The following TMC2 variants were observed in gnomAD, a reference collection of about 807,000 sequenced individuals.
TMC2 encodes the protein transmembrane channel-like protein 2.
A neutral mutation model predicts 105.9 loss-of-function variants in TMC2; 102 were observed. The observed-to-expected ratio is 0.96, with a 90% CI of 0.82 to 1.14. TMC2 has a LOEUF of 1.14. Ranked by LOEUF, TMC2 falls within the 50% of genes most tolerant of loss-of-function variation. The pLI, the probability that TMC2 is intolerant of heterozygous loss-of-function variation, is 0.00. For missense variants in TMC2, 1,093 were observed against 1,134.3 expected (o/e 0.96, Z 0.52); for synonymous variants, 402 against 422.8 (o/e 0.95, Z 0.60).
At chr20:2,585,697 G>A (rs1401640917) in intron 7 of TMC2, among the ~76,000 whole-genome samples, 1 of 152,154 alleles carries the variant, frequency 6.6e-6, no homozygotes, top group African/African-American at 2.4e-5. Flanking sequence ...TTACTTATGT[G>A]GCTGTTCCCA....
chr20:2,643,580 A>T lies in TMC2; in HGVS notation c.*2229A>T, dbSNP rs2086702476. ...ACAATAAACAATTATGTATTATTGTATGTAGTTTCTGTTCTGTGGGTTATA... is the reference window on the plus strand; with the variant it reads ...ACAATAAACAATTATGTATTATTGTTTGTAGTTTCTGTTCTGTGGGTTATA... On this transcript the variant is annotated 3_prime_UTR_variant, in exon 20 of 20. Coordinates refer to ENST00000358864, the MANE Select transcript of TMC2 (RefSeq NM_080751.3). 6.6e-6 allele frequency among the ~76,000 whole-genome samples: 1 copy of T among 152,214 alleles called. No individual in the cohort carries two copies. Among genetic ancestry groups the T allele is most frequent in the African/African-American group, 2.4e-5 (1 of 41,424 alleles).
intron 12 of TMC2, among the ~76,000 whole-genome samples, chr20:2,611,719 T>C (rs2086439583): frequency 6.6e-6 from 1 of 152,206 alleles, no homozygotes; most frequent in Admixed American, 6.5e-5. Context: ...GTCACTCTTG[T>C]ATCACCACTA....
intron 17 of TMC2, among the ~76,000 whole-genome samples, chr20:2,625,595 TCTA>T (rs1367878002): frequency 2.0e-5 from 3 of 152,246 alleles, no homozygotes; most frequent in African/African-American, 7.2e-5. Context: ...GTTTGAAGGC[TCTA>T]CTATGTTCCA....
In TMC2 at chr20:2,641,912, C is replaced by T. The variant is rs561577663; in HGVS notation, c.*561C>T. ...TTCAAGACCAGCCCGGGCAATGTGG[C>T]GAAACCCCATCCCTACAAAAAAATT... On this transcript the variant is annotated 3_prime_UTR_variant, in exon 20 of 20. Coordinates refer to ENST00000358864, the MANE Select transcript of TMC2 (RefSeq NM_080751.3). 1.1e-3 allele frequency: 173 copies of T among 153,140 alleles called. No individual in the cohort carries two copies. The highest frequency in any genetic ancestry group is 3.7e-3 in the African/African-American group (154 of 41,462). 9.5% of individuals were successfully genotyped at this position (153,140 alleles called of 1,614,324 possible). A position where few individuals can be genotyped will look rare whatever the true frequency, so the allele number is the denominator to read the frequency against.
rs2086503624 is a variant in TMC2 at position 2,618,797 on chromosome 20, C to T, written c.2180+1486C>T. Among the ~76,000 whole-genome samples, 2 of 152,222 alleles carry T rather than the reference C, an allele frequency of 1.3e-5. 1 individual carries two copies. The highest frequency in any genetic ancestry group is 1.3e-4 in the Admixed American group (2 of 15,278). On this transcript the variant is annotated intron_variant, in intron 16 of 19. Coordinates refer to ENST00000358864, the MANE Select transcript of TMC2 (RefSeq NM_080751.3). ...TAGGACGTACTGCCCCTTCTGTCTGCCATTATCTCACTTAGAAATGCTCAA... is the reference window on the plus strand; with the variant it reads ...TAGGACGTACTGCCCCTTCTGTCTGTCATTATCTCACTTAGAAATGCTCAA...
At chr20:2,562,168 C>G (rs892912329) in intron 4 of TMC2, among the ~76,000 whole-genome samples, 158 bp downstream of exon 4, 1 of 152,268 alleles carries the variant, frequency 6.6e-6, no homozygotes, top group Non-Finnish European at 1.5e-5. Flanking sequence ...CCAAGGCGGC[C>G]GTGCTGTTCG....
chr20:2,633,773 G>GAGGGA (rs2086622034), intron 17 of TMC2, among the ~76,000 whole-genome samples: 1 of 152,174 alleles, frequency 6.6e-6, no homozygotes, highest in Non-Finnish European at 1.5e-5. Flanking sequence ...TAGGGGAGGG[G>GAGGGA]ATATAAGGCA....
At chr20:2,555,913 A>C (rs1332104852) in intron 2 of TMC2, among the ~76,000 whole-genome samples, 1 of 152,196 alleles carries the variant, frequency 6.6e-6, no homozygotes, top group African/African-American at 2.4e-5. Context: ...TAGCGCAGGT[A>C]CTTTATAAAA....
intron 16 of TMC2, among the ~76,000 whole-genome samples, chr20:2,622,217 GT>G (rs2086530322): frequency 6.6e-6 from 1 of 152,186 alleles, no homozygotes; most frequent in Non-Finnish European, 1.5e-5. Context: ...CAAAAAATGA[GT>G]GAGCATGGCT....
At chr20:2,634,683 C>A (rs1421343754) in intron 17 of TMC2, among the ~76,000 whole-genome samples, 1 of 152,178 alleles carries the variant, frequency 6.6e-6, no homozygotes, top group Admixed American at 6.5e-5. Context: ...TGATCTTGAG[C>A]CAGACAAGTT....
At position 2,559,240 on chromosome 20, in the gene TMC2, C is replaced by T. The variant is rs76625937; in HGVS notation, c.401+466C>T. Among the ~76,000 whole-genome samples the T allele has an allele frequency of 5.3e-4, 81 of 152,306 alleles. No homozygotes were observed. The East Asian group carries it at 0.014, about 27-fold the overall frequency. ...CCTCGTTCCGGCTTCCGGATCTGGG[C>T]CAGTTTCCTCTGCTGGAAATGTGGC... On this transcript the variant is annotated intron_variant, in intron 3 of 19. Transcript: ENST00000358864.
At chr20:2,570,328 A>G (rs1185300019) in intron 4 of TMC2, among the ~76,000 whole-genome samples, 1 of 152,204 alleles carries the variant, frequency 6.6e-6, no homozygotes, top group Non-Finnish European at 1.5e-5. Context: ...ACAAATGTAC[A>G]AAAATCAAGA....
At chr20:2,640,032 G>T (rs2086677484) in intron 19 of TMC2, among the ~76,000 whole-genome samples, 1 of 152,178 alleles carries the variant, frequency 6.6e-6, no homozygotes, top group Non-Finnish European at 1.5e-5. Context: ...GCCCAGGCTG[G>T]AGTGCAGTGG....
rs1012256803 is a variant in TMC2 at position 2,594,688 on chromosome 20, G to T, written c.934-137G>T. ...CTGGAGGAGGTGAAGGGAAGAACAA[G>T]AACATCTGGAACTCTTCCTTCGGCC... On this transcript the variant is annotated intron_variant, in intron 8 of 19. Transcript: ENST00000358864. The T allele has an allele frequency of 4.6e-6, 4 of 861,112 alleles. No homozygotes were observed. The African/African-American group carries it at 6.8e-5, about 15-fold the overall frequency. 53.3% of individuals were successfully genotyped at this position (861,112 alleles called of 1,614,324 possible). A position where few individuals can be genotyped will look rare whatever the true frequency, so the allele number is the denominator to read the frequency against.
chr20:2,637,523 C>A lies in TMC2; in HGVS notation c.2435C>A (p.Ala812Asp). The A allele has an allele frequency of 6.2e-7, 1 of 1,614,088 alleles. No homozygotes were observed. The highest frequency in any genetic ancestry group is 1.3e-5 in the African/African-American group (1 of 75,012). Residue 812 changes from alanine (A) to aspartate (D), a missense_variant, in exon 19 of 20, where the codon GCC becomes GAC. Ala to Asp is a moderately radical substitution (Grantham distance 126). Coordinates refer to ENST00000358864, the MANE Select transcript of TMC2 (RefSeq NM_080751.3). Reference sequence around the variant, plus strand: ...AAATCTGTAAAAGGCAAAGCCACAGCCAGAGATTCAGAGGACACACCTAAA... The same window carrying A: ...AAATCTGTAAAAGGCAAAGCCACAGACAGAGATTCAGAGGACACACCTAAA... ...SHKSVKGKAT[A>D]RDSEDTPKSS...
At chr20:2,572,156 C>CTTTT (rs371954216) in intron 4 of TMC2, 23 bp from the exon 5 acceptor site, 209 of 1,273,570 alleles carry the variant, frequency 1.6e-4, no homozygotes, top group African/African-American at 3.3e-4. Context: ...TGAAATCCTG[C>CTTTT]TTTTTTTTTT....
At chr20:2,554,001 C>T (rs763652112) in intron 2 of TMC2, among the ~76,000 whole-genome samples, 10 of 152,152 alleles carry the variant, frequency 6.6e-5, no homozygotes, top group Non-Finnish European at 1.3e-4. Context: ...TCTCCTGCCT[C>T]AGCCTCCCGA....
chr20:2,605,670 A>G (rs78409606), intron 11 of TMC2, among the ~76,000 whole-genome samples: 3,661 of 152,318 alleles, frequency 0.024, 149 homozygotes, highest in African/African-American at 0.081. Flanking sequence ...GATTCAATCC[A>G]TAAAGTCCAA....
intron 4 of TMC2, among the ~76,000 whole-genome samples, chr20:2,564,812 C>A (rs2086052997): frequency 6.6e-6 from 1 of 152,162 alleles, no homozygotes; most frequent in African/African-American, 2.4e-5. Context: ...CTGGAGTGGG[C>A]CTCCCCAGCA....
Sources: gnomAD v4.1 joint callset for allele counts (sites outside exome capture counted in the v4.1 genomes callset) on GRCh38, gnomAD v4.1.1 for gene constraint, MANE v1.5 for transcripts, NCBI Gene and HGNC (gene_info 2026-07-23, HGNC 2026-07-21) for gene names.